Variants in PALM2AKAP2 observed in about 807,000 individuals in gnomAD.
The protein encoded by PALM2AKAP2 is PALM2 and AKAP2 fusion, also known as PALM2-AKAP2 fusion protein.
In PALM2AKAP2, 37 loss-of-function variants were observed where a neutral mutation model predicts 71.5. That is an observed-to-expected ratio of 0.52 (90% CI 0.40 to 0.68). The LOEUF (loss-of-function observed/expected upper bound fraction) is 0.68, where lower values mean the gene tolerates loss of function less well. Ranked by LOEUF, PALM2AKAP2 falls within the 30% of genes least tolerant of loss-of-function variation. The pLI, the probability that PALM2AKAP2 is intolerant of heterozygous loss-of-function variation, is 0.00. For synonymous variants in PALM2AKAP2, 468 were observed against 478.8 expected (o/e 0.98, Z 0.29); for missense variants, 1,224 against 1,191.8 (o/e 1.03, Z -0.40).
At chr9:110,102,020 C>A (rs1227439633) in intron 1 of PALM2AKAP2, among the ~76,000 whole-genome samples, 1 of 152,192 alleles carries the variant, frequency 6.6e-6, no homozygotes, top group Non-Finnish European at 1.5e-5. Flanking sequence ...CTGTGACACT[C>A]CAAGGACCAC....
At chr9:109,957,313 G>C (rs1831765583) in intron 6 of PALM2AKAP2, among the ~76,000 whole-genome samples, 1 of 152,130 alleles carries the variant, frequency 6.6e-6, no homozygotes, top group Non-Finnish European at 1.5e-5. Flanking sequence ...CAAGCACATG[G>C]GGAGACTGAT....
In PALM2AKAP2 at chr9:110,014,803, A is replaced by AT. The variant is rs1249165727; in HGVS notation, c.497-1151_497-1150insT. On this transcript the variant is annotated intron_variant, in intron 6 of 9. Transcript: ENST00000302798. ...TCAAAAAAAAAAAAAAAAAAAAAAA[A>AT]ATGTATATATATATATATATATATA... Among the ~76,000 whole-genome samples the AT allele has an allele frequency of 6.7e-3, 107 of 15,994 alleles. 4 individuals are homozygous for AT. The highest frequency in any genetic ancestry group is 0.012 in the African/African-American group (69 of 5,712). 10.5% of individuals were successfully genotyped at this position (15,994 alleles called of 152,430 possible).
chr9:109,998,626 C>CGGGGGGGGGGGGGGGG (rs200124044), intron 6 of PALM2AKAP2, among the ~76,000 whole-genome samples: 1 of 19,208 alleles, frequency 5.2e-5, no homozygotes, highest in African/African-American at 1.7e-4. Flanking sequence ...CTGACCAGGG[C>CGGGGGGGGGGGGGGGG]GGGGGAGTGG....
At chr9:110,150,487 C>G (rs776040173) in intron 2 of PALM2AKAP2, among the ~76,000 whole-genome samples, 4 of 152,242 alleles carry the variant, frequency 2.6e-5, no homozygotes, top group Non-Finnish European at 5.9e-5. Flanking sequence ...AGATCTCTCT[C>G]TCTCTCTCGC....
intron 6 of PALM2AKAP2, among the ~76,000 whole-genome samples, chr9:109,958,127 T>C (rs1490307304): frequency 6.7e-6 from 1 of 150,298 alleles, no homozygotes; most frequent in African/African-American, 2.4e-5. Context: ...AAAAGAAATA[T>C]ATTTGAGGCA....
At chr9:109,698,944 A>G (rs1268485085) in intron 1 of PALM2AKAP2, among the ~76,000 whole-genome samples, 1 of 152,230 alleles carries the variant, frequency 6.6e-6, no homozygotes, top group East Asian at 1.9e-4. Context: ...TGTGAAATTT[A>G]ATGCTATATG....
intron 1 of PALM2AKAP2, among the ~76,000 whole-genome samples, chr9:109,708,159 T>C (rs1247325177): frequency 6.6e-6 from 1 of 152,214 alleles, no homozygotes; most frequent in East Asian, 1.9e-4. Flanking sequence ...CAGCTGATGA[T>C]GACTCCCTAC....
intron 1 of PALM2AKAP2, among the ~76,000 whole-genome samples, chr9:109,794,272 G>T (rs1827190294): frequency 1.3e-5 from 2 of 151,976 alleles, no homozygotes; most frequent in African/African-American, 4.8e-5. Flanking sequence ...GTTGTTTTTT[G>T]AAAACCAGAA....
At chr9:109,964,147 A>G (rs1235724320) in intron 6 of PALM2AKAP2, among the ~76,000 whole-genome samples, 2 of 152,260 alleles carry the variant, frequency 1.3e-5, no homozygotes, top group South Asian at 4.1e-4. Flanking sequence ...GATATACTGT[A>G]TGTCAGCATC....
intron 1 of PALM2AKAP2, among the ~76,000 whole-genome samples, chr9:110,078,185 C>T (rs555948313): frequency 2.0e-5 from 3 of 152,282 alleles, no homozygotes; most frequent in East Asian, 1.9e-4. Flanking sequence ...GAACCAGCGG[C>T]GACCAGATTT....
intron 1 of PALM2AKAP2, among the ~76,000 whole-genome samples, chr9:109,660,662 T>C (rs971541452): frequency 6.6e-5 from 10 of 152,190 alleles, no homozygotes; most frequent in African/African-American, 2.2e-4. Flanking sequence ...AATATACGTG[T>C]GCATGTGTCT....
chr9:109,708,490 A>G (rs541144623), intron 1 of PALM2AKAP2, among the ~76,000 whole-genome samples: 7 of 152,354 alleles, frequency 4.6e-5, no homozygotes, highest in Non-Finnish European at 1.0e-4. Flanking sequence ...GGAATGTAAT[A>G]TTTTTGGCAG....
chr9:109,787,116 T>C (rs1019153952), intron 1 of PALM2AKAP2, among the ~76,000 whole-genome samples: 1 of 152,182 alleles, frequency 6.6e-6, no homozygotes, highest in Non-Finnish European at 1.5e-5. Flanking sequence ...GTTACCAGCA[T>C]GGATTTTGGT....
chr9:109,813,365 A>G (rs1827771733), intron 1 of PALM2AKAP2, among the ~76,000 whole-genome samples: 2 of 152,196 alleles, frequency 1.3e-5, no homozygotes, highest in South Asian at 2.1e-4. Flanking sequence ...TCTAAATCAC[A>G]TCTATAGAAT....
chr9:109,999,207 C>T (rs1205359041), intron 6 of PALM2AKAP2, among the ~76,000 whole-genome samples: 2 of 151,888 alleles, frequency 1.3e-5, no homozygotes, highest in Non-Finnish European at 2.9e-5. Flanking sequence ...GGCTTGGTGG[C>T]GTGCACTTGT....
At chr9:110,070,407 A>T (rs1834176513) in intron 1 of PALM2AKAP2, among the ~76,000 whole-genome samples, 1 of 152,240 alleles carries the variant, frequency 6.6e-6, no homozygotes, top group Non-Finnish European at 1.5e-5. Context: ...AAAGAATTTT[A>T]AAAAGTAAAT....
At chr9:109,683,640 T>C (rs562099287) in intron 1 of PALM2AKAP2, among the ~76,000 whole-genome samples, 124 of 152,292 alleles carry the variant, frequency 8.1e-4, no homozygotes, top group Non-Finnish European at 1.6e-3. Context: ...GAATCAAATA[T>C]GCTTCATAAG....
chr9:109,854,415 T>C (rs1564181176), intron 1 of PALM2AKAP2, among the ~76,000 whole-genome samples: 1 of 152,256 alleles, frequency 6.6e-6, no homozygotes, highest in Non-Finnish European at 1.5e-5. Flanking sequence ...CAACTGTCAC[T>C]GGTGATGGTT....
At chr9:109,964,105 T>A (rs1831900061) in intron 6 of PALM2AKAP2, among the ~76,000 whole-genome samples, 1 of 152,244 alleles carries the variant, frequency 6.6e-6, no homozygotes, top group Admixed American at 6.5e-5. Flanking sequence ...CATAAAATAT[T>A]TAATAATTTT....
Sources: allele counts gnomAD v4.1 joint callset (sites outside exome capture counted in the v4.1 genomes callset), GRCh38; gene constraint gnomAD v4.1.1; transcripts MANE v1.5; gene names NCBI Gene and HGNC (gene_info 2026-07-23, HGNC 2026-07-21).